The following ULK2 variants were observed in gnomAD, a reference collection of about 807,000 sequenced individuals.
The protein encoded by ULK2 is serine/threonine-protein kinase ULK2.
In ULK2, 76 loss-of-function variants were observed where a neutral mutation model predicts 127.5. That is an observed-to-expected ratio of 0.60 (90% CI 0.50 to 0.72). ULK2 has a LOEUF of 0.72. Among genes scored for constraint, ULK2 ranks in the 30% least tolerant of loss-of-function variants. ULK2 has a pLI of 0.00. For missense variants in ULK2, 1,144 were observed against 1,295.9 expected, an observed-to-expected ratio of 0.88 and a Z score of 1.80; for synonymous variants, 452 against 461.9, an observed-to-expected ratio of 0.98 and a Z score of 0.28.
At chr17:19,822,907 T>C (rs1023771743) in intron 12 of ULK2, among the ~76,000 whole-genome samples, 4 of 151,662 alleles carry the variant, frequency 2.6e-5, no homozygotes, top group African/African-American at 9.7e-5. Flanking sequence ...AGGACGGTCT[T>C]GATATCCCGG....
At chr17:19,779,159 G>A (rs773475723) in intron 25 of ULK2, among the ~76,000 whole-genome samples, 7 of 152,060 alleles carry the variant, frequency 4.6e-5, no homozygotes, top group Admixed American at 1.3e-4. Context: ...ATAAGGCCAC[G>A]GATGTAATAT....
intron 15 of ULK2, among the ~76,000 whole-genome samples, chr17:19,804,080 G>A (rs987026032): frequency 6.6e-6 from 1 of 152,054 alleles, no homozygotes; most frequent in Non-Finnish European, 1.5e-5. Context: ...TCACTGAATA[G>A]AGTAAGAATA....
In ULK2 at chr17:19,846,036, G is replaced by C. The variant is rs574157289; in HGVS notation, c.470-659C>G. ...AGCTACTTGGGAGGCTGAGGCAGGA[G>C]AATCTCTTGAACCTGGGAGGCAGAG... On this transcript the variant is annotated intron_variant, in intron 6 of 26. Coordinates refer to ENST00000395544, the MANE Select transcript of ULK2 (RefSeq NM_014683.4). Among the ~76,000 whole-genome samples the C allele has an allele frequency of 3.6e-3, 543 of 152,328 alleles. 1 individual carries two copies. The highest frequency in any genetic ancestry group is 0.01 in the African/African-American group (434 of 41,596).
chr17:19,848,430 T>C (rs561855668), intron 5 of ULK2: 1 of 152,356 alleles, frequency 6.6e-6, no homozygotes, highest in Non-Finnish European at 1.5e-5. Context: ...TAATGACCTG[T>C]CAAGTTTTAC....
intron 13 of ULK2, among the ~76,000 whole-genome samples, chr17:19,814,788 C>T (rs1161201877): frequency 6.6e-6 from 1 of 152,042 alleles, no homozygotes; most frequent in Non-Finnish European, 1.5e-5. Context: ...ACAAGCAATC[C>T]TTCCTCCTCA....
chr17:19,863,085 G>A (rs2152403536), intron 3 of ULK2, among the ~76,000 whole-genome samples: 1 of 152,138 alleles, frequency 6.6e-6, no homozygotes, highest in South Asian at 2.1e-4. Flanking sequence ...TTGGTGGCAG[G>A]CGCCTATAAT....
At chr17:19,846,258 A>G (rs906447959) in intron 6 of ULK2, among the ~76,000 whole-genome samples, 2 of 152,192 alleles carry the variant, frequency 1.3e-5, no homozygotes, top group Admixed American at 6.5e-5. Context: ...ACTGCCTGAG[A>G]CTTGGCAGAA....
intron 10 of ULK2, among the ~76,000 whole-genome samples, chr17:19,829,914 A>G (rs2041396864): frequency 6.6e-6 from 1 of 152,130 alleles, no homozygotes; most frequent in Admixed American, 6.6e-5. Flanking sequence ...TTTATAAACA[A>G]TCAGAGCCCC....
At chr17:19,829,097 C>T (rs758806019) in intron 10 of ULK2, among the ~76,000 whole-genome samples, 9 of 150,170 alleles carry the variant, frequency 6.0e-5, no homozygotes, top group African/African-American at 9.7e-5. Context: ...AAAAGAGACT[C>T]GCTTTAAATC....
At chr17:19,836,365 C>T (rs543145978) in intron 10 of ULK2, among the ~76,000 whole-genome samples, 165 of 151,232 alleles carry the variant, frequency 1.1e-3, no homozygotes, top group Non-Finnish European at 1.8e-3. Context: ...GCCGAGATCG[C>T]GCCACTGCAC....
chr17:19,780,752 C>T (rs1166646540), intron 24 of ULK2, 123 bp from the exon 25 acceptor site: 2 of 1,153,810 alleles, frequency 1.7e-6, no homozygotes, highest in Non-Finnish European at 2.4e-6. Flanking sequence ...AAAAAAAGGA[C>T]CAGAAATAGG....
chr17:19,804,855 GGAAA>G (rs756438711), intron 14 of ULK2, 25 bp from the exon 15 acceptor site: 1 of 1,604,492 alleles, frequency 6.2e-7, no homozygotes. Context: ...TATTGAAAAA[GGAAA>G]GAAACAGTGG....
rs540232818 is a variant in ULK2 at position 19,826,379 on chromosome 17, TATAAA to T, written c.788-198_788-194del. Among the ~76,000 whole-genome samples the T allele has an allele frequency of 1.4e-4, 21 of 152,214 alleles. No individual in the cohort carries two copies. The South Asian group carries it at 4.4e-3, about 32-fold the overall frequency. On this transcript the variant is annotated intron_variant, in intron 10 of 26. Coordinates refer to ENST00000395544, the MANE Select transcript of ULK2 (RefSeq NM_014683.4). ...TATAAAATAATTATTTTTATAATCA[TATAAA>T]ATAATGAATCAATAACAAATTTTAA...
At chr17:19,845,935 C>A (rs1026299015) in intron 6 of ULK2, among the ~76,000 whole-genome samples, 4 of 151,880 alleles carry the variant, frequency 2.6e-5, no homozygotes, top group African/African-American at 9.7e-5. Flanking sequence ...ACGGTGAAAC[C>A]CTGTCTCTAC....
At chr17:19,787,844 A>G (rs2152383285) in intron 20 of ULK2, among the ~76,000 whole-genome samples, 1 of 152,244 alleles carries the variant, frequency 6.6e-6, no homozygotes, top group East Asian at 1.9e-4. Flanking sequence ...AATCACCAGC[A>G]CCACCCTCCG....
chr17:19,858,301 G>T (rs1033669413), intron 3 of ULK2, among the ~76,000 whole-genome samples: 7 of 152,142 alleles, frequency 4.6e-5, no homozygotes, highest in African/African-American at 1.7e-4. Context: ...TTTGAAGGCT[G>T]AGGTGGGAGG....
At chr17:19,843,244 G>T (rs1743354753) in intron 7 of ULK2, 22 bp from the exon 8 acceptor site, 1 of 1,483,320 alleles carries the variant, frequency 6.7e-7, no homozygotes, top group Non-Finnish European at 9.1e-7. Context: ...AAAATTTAAG[G>T]GGCATGCCGT....
intron 9 of ULK2, 92 bp downstream of exon 9, chr17:19,841,397 A>T: frequency 7.8e-7 from 1 of 1,282,620 alleles, no homozygotes; most frequent in Non-Finnish European, 1.1e-6. Flanking sequence ...CTGAAAAAGA[A>T]TTAAAAAATG....
chr17:19,795,270 A>G (rs1396285799), intron 20 of ULK2, among the ~76,000 whole-genome samples: 1 of 151,100 alleles, frequency 6.6e-6, no homozygotes, highest in Non-Finnish European at 1.5e-5. Flanking sequence ...GGTCTTTATA[A>G]AATCCAGTTG....
Sources: gnomAD v4.1 joint callset for allele counts (sites outside exome capture counted in the v4.1 genomes callset) on GRCh38, gnomAD v4.1.1 for gene constraint, MANE v1.5 for transcripts, NCBI Gene and HGNC (gene_info 2026-07-23, HGNC 2026-07-21) for gene names.